Variants in KCNAB1 observed in about 807,000 individuals in gnomAD.
KCNAB1 encodes voltage-gated potassium channel subunit beta-1.
In KCNAB1, 35 loss-of-function variants were observed where a neutral mutation model predicts 64.6. The ratio of observed to expected loss-of-function variants is 0.54; its 90% CI spans 0.41 to 0.72. The LOEUF is 0.72. Among genes scored for constraint, KCNAB1 ranks in the 30% least tolerant of loss-of-function variants. KCNAB1 has a pLI of 0.00. For synonymous variants in KCNAB1, 177 were observed against 183.8 expected, an observed-to-expected ratio of 0.96 and a Z score of 0.30; for missense variants, 401 against 512.9, an observed-to-expected ratio of 0.78 and a Z score of 2.11.
chr3:156,500,584 A>C (rs1396616825), intron 8 of KCNAB1, among the ~76,000 whole-genome samples: 3 of 152,184 alleles, frequency 2.0e-5, no homozygotes, highest in African/African-American at 7.2e-5. Context: ...ATTATAGTTA[A>C]ATGAAGGGTA....
intron 1 of KCNAB1, among the ~76,000 whole-genome samples, chr3:156,306,314 G>C (rs190184704): frequency 6.6e-6 from 1 of 152,150 alleles, no homozygotes; most frequent in Non-Finnish European, 1.5e-5. Flanking sequence ...CCAGGACTAG[G>C]CAGCAGGGCC....
intron 1 of KCNAB1, among the ~76,000 whole-genome samples, chr3:156,324,969 T>TA (rs1722879038): frequency 6.6e-6 from 1 of 152,154 alleles, no homozygotes; most frequent in African/African-American, 2.4e-5. Flanking sequence ...AGCAAGGCCT[T>TA]ATGAGGGTAC....
chr3:156,504,572 T>G (rs978724164), intron 8 of KCNAB1, among the ~76,000 whole-genome samples: 1 of 152,122 alleles, frequency 6.6e-6, no homozygotes, highest in African/African-American at 2.4e-5. Context: ...CCAGCATTTT[T>G]TTTTGTCTTT....
chr3:156,167,405 G>A (rs1440873003), intron 1 of KCNAB1, among the ~76,000 whole-genome samples: 2 of 152,128 alleles, frequency 1.3e-5, no homozygotes, highest in East Asian at 1.9e-4. Context: ...TTATTGTTAC[G>A]ATCAAATCAC....
At chr3:156,440,011 C>A (rs1716880764) in intron 2 of KCNAB1, among the ~76,000 whole-genome samples, 1 of 152,246 alleles carries the variant, frequency 6.6e-6, no homozygotes, top group Non-Finnish European at 1.5e-5. Flanking sequence ...AAAAAAGCAA[C>A]TGCAGGCAAT....
chr3:156,134,564 A>T (rs73026697), intron 1 of KCNAB1, among the ~76,000 whole-genome samples: 5,205 of 152,334 alleles, frequency 0.034, 168 homozygotes, highest in African/African-American at 0.073. Flanking sequence ...AAGGTTTCTA[A>T]AAAAGGTGAT....
chr3:156,277,680 A>C (rs549419470), intron 1 of KCNAB1, among the ~76,000 whole-genome samples: 1 of 152,184 alleles, frequency 6.6e-6, no homozygotes, highest in Non-Finnish European at 1.5e-5. Flanking sequence ...CATCTTGGCT[A>C]TTGTGAATAG....
intron 8 of KCNAB1, among the ~76,000 whole-genome samples, chr3:156,501,422 C>CTTTT (rs34628325): frequency 4.8e-5 from 4 of 82,574 alleles, no homozygotes; most frequent in Admixed American, 1.4e-4. Flanking sequence ...GACTTAGTAC[C>CTTTT]TTTTTTTTTT....
intron 1 of KCNAB1, among the ~76,000 whole-genome samples, chr3:156,278,982 T>C (rs955282456): frequency 1.3e-5 from 2 of 152,124 alleles, no homozygotes; most frequent in African/African-American, 4.8e-5. Context: ...ATTTTTATTA[T>C]ACTTTTAAGT....
intron 1 of KCNAB1, among the ~76,000 whole-genome samples, chr3:156,350,306 T>C (rs1348530065): frequency 6.6e-6 from 1 of 152,082 alleles, no homozygotes; most frequent in Non-Finnish European, 1.5e-5. Flanking sequence ...TCCCAGCACT[T>C]TGGGAGACAG....
intron 1 of KCNAB1, among the ~76,000 whole-genome samples, chr3:156,330,279 C>T (rs1002162901): frequency 1.3e-5 from 2 of 152,048 alleles, no homozygotes; most frequent in African/African-American, 4.8e-5. Flanking sequence ...AATCAGCATT[C>T]GCCTTATCAG....
chr3:156,435,127 G>A (rs1255391937), intron 2 of KCNAB1, among the ~76,000 whole-genome samples: 2 of 152,222 alleles, frequency 1.3e-5, no homozygotes, highest in African/African-American at 4.8e-5. Context: ...CCATACCATA[G>A]AGAGTCATCA....
intron 1 of KCNAB1, among the ~76,000 whole-genome samples, chr3:156,285,655 C>T (rs1326814730): frequency 6.6e-6 from 1 of 152,184 alleles, no homozygotes; most frequent in African/African-American, 2.4e-5. Flanking sequence ...TAGGGGCCAT[C>T]ATGCCCAGCT....
intron 1 of KCNAB1, among the ~76,000 whole-genome samples, chr3:156,269,072 C>T (rs1224080589): frequency 6.6e-6 from 1 of 152,136 alleles, no homozygotes; most frequent in African/African-American, 2.4e-5. Context: ...TATTTTTCTG[C>T]ATATGGATAT....
At chr3:156,343,183 T>C (rs1724256073) in intron 1 of KCNAB1, among the ~76,000 whole-genome samples, 1 of 152,230 alleles carries the variant, frequency 6.6e-6, no homozygotes, top group East Asian at 1.9e-4. Flanking sequence ...TATTTTCTTC[T>C]CTGTATCTTA....
chr3:156,196,626 A>G (rs1368267586), intron 1 of KCNAB1, among the ~76,000 whole-genome samples: 2 of 152,164 alleles, frequency 1.3e-5, no homozygotes, highest in Non-Finnish European at 2.9e-5. Context: ...TCATTGGTGT[A>G]TAGGAATGCT....
intron 1 of KCNAB1, among the ~76,000 whole-genome samples, chr3:156,336,996 G>T (rs1723757778): frequency 6.6e-6 from 1 of 152,214 alleles, no homozygotes; most frequent in Admixed American, 6.5e-5. Context: ...TGAAGAATTG[G>T]TCGGCAAGTA....
chr3:156,270,243 C>G (rs1718954176), intron 1 of KCNAB1, among the ~76,000 whole-genome samples: 1 of 152,028 alleles, frequency 6.6e-6, no homozygotes, highest in South Asian at 2.1e-4. Flanking sequence ...TCGAGGCACT[C>G]TATGTATTTT....
intron 1 of KCNAB1, among the ~76,000 whole-genome samples, chr3:156,305,781 A>C (rs1721454810): frequency 6.6e-6 from 1 of 152,236 alleles, no homozygotes; most frequent in Non-Finnish European, 1.5e-5. Flanking sequence ...GTGACAATTC[A>C]TCCTACTATT....
Sources: allele counts gnomAD v4.1 joint callset (sites outside exome capture counted in the v4.1 genomes callset), GRCh38; gene constraint gnomAD v4.1.1; transcripts MANE v1.5; gene names NCBI Gene and HGNC (gene_info 2026-07-23, HGNC 2026-07-21).